MED13L: variants seen among roughly 807,000 people sequenced by gnomAD.
MED13L encodes the protein mediator of RNA polymerase II transcription subunit 13-like.
Under a neutral mutation model 220.9 loss-of-function variants are expected in MED13L, and 7 were observed. That is an observed-to-expected ratio of 0.03 (90% CI 0.02 to 0.06). The LOEUF (loss-of-function observed/expected upper bound fraction) is 0.06. MED13L is among the 10% of genes least tolerant of loss of function. The pLI, the probability that MED13L is intolerant of heterozygous loss-of-function variation, is 1.00. For missense variants in MED13L, 1,965 were observed against 2,760.5 expected, an observed-to-expected ratio of 0.71 and a Z score of 6.46; for synonymous variants, 1,011 against 1,015.2, an observed-to-expected ratio of 1.00 and a Z score of 0.08.
At chr12:116,129,646 C>A (rs981417351) in intron 2 of MED13L, among the ~76,000 whole-genome samples, 1 of 151,710 alleles carries the variant, frequency 6.6e-6, no homozygotes, top group African/African-American at 2.4e-5. Context: ...CGGTGGCTCA[C>A]GCCTGTAATC....
chr12:116,119,099 A>C (rs1016625519), intron 2 of MED13L, among the ~76,000 whole-genome samples: 2 of 152,156 alleles, frequency 1.3e-5, no homozygotes, highest in Non-Finnish European at 2.9e-5. Flanking sequence ...GGGCTTCTTC[A>C]TTATCACTAT....
At chr12:116,115,859 G>T (rs1378422498) in intron 2 of MED13L, among the ~76,000 whole-genome samples, 1 of 152,014 alleles carries the variant, frequency 6.6e-6, no homozygotes, top group Admixed American at 6.6e-5. Flanking sequence ...ACAATTCTAC[G>T]TGCTGATTAA....
chr12:116,084,774 C>CAA (rs569655073), intron 4 of MED13L, among the ~76,000 whole-genome samples: 3 of 88,986 alleles, frequency 3.4e-5, no homozygotes, highest in Admixed American at 1.2e-4. Context: ...ACCCTGTCGC[C>CAA]AAAAAAAAAA....
chr12:116,230,404 A>G (rs1869442203), intron 2 of MED13L: 1 of 857,508 alleles, frequency 1.2e-6, no homozygotes, highest in African/African-American at 1.8e-5. Context: ...CGTCTCAACA[A>G]CAATAAAAAA....
intron 23 of MED13L, among the ~76,000 whole-genome samples, chr12:115,976,447 G>T (rs1289231629): frequency 6.6e-6 from 1 of 152,304 alleles, no homozygotes; most frequent in South Asian, 2.1e-4. Flanking sequence ...GTCAAAGACA[G>T]GCAAAACTAC....
At chr12:115,998,243 C>G (rs1878527323) in intron 14 of MED13L, among the ~76,000 whole-genome samples, 1 of 152,164 alleles carries the variant, frequency 6.6e-6, no homozygotes, top group Admixed American at 6.5e-5. Flanking sequence ...TAAAATTTGG[C>G]CACTAGGGGG....
At chr12:116,274,256 G>C (rs903947835) in intron 1 of MED13L, among the ~76,000 whole-genome samples, 1 of 152,050 alleles carries the variant, frequency 6.6e-6, no homozygotes, top group Non-Finnish European at 1.5e-5. Flanking sequence ...TAAAGTGTCT[G>C]ATTGATTGCA....
At chr12:116,140,379 G>T (rs1347096451) in intron 2 of MED13L, among the ~76,000 whole-genome samples, 1 of 152,072 alleles carries the variant, frequency 6.6e-6, no homozygotes, top group Non-Finnish European at 1.5e-5. Context: ...AATGACTATT[G>T]AATCTATCTT....
At chr12:116,076,006 C>G (rs549282203) in intron 4 of MED13L, among the ~76,000 whole-genome samples, 2 of 150,964 alleles carry the variant, frequency 1.3e-5, no homozygotes, top group Non-Finnish European at 2.9e-5. Context: ...CTCCGCCTCC[C>G]GGGTTCACGC....
chr12:116,217,699 G>A (rs1883086004), intron 2 of MED13L, among the ~76,000 whole-genome samples: 1 of 152,126 alleles, frequency 6.6e-6, no homozygotes, highest in South Asian at 2.1e-4. Flanking sequence ...CCTCATTAAA[G>A]GATAAATTCT....
At position 116,277,158 on chromosome 12, in the gene MED13L, G is replaced by A; in HGVS notation, c.-27C>T. ...ATCCTCCGCGAGCCCGGCCGCCAGA[G>A]CGGGGCATGTCGGAGCGAGGCGTCC... On this transcript the variant is annotated 5_prime_UTR_variant, in exon 1 of 31. Transcript: ENST00000281928. 1 of 1,549,828 alleles carries A rather than the reference G, an allele frequency of 6.5e-7. No individual in the cohort carries two copies. The highest frequency in any genetic ancestry group is 8.7e-7 in the Non-Finnish European group (1 of 1,147,060).
chr12:116,147,546 T>C (rs1489679448), intron 2 of MED13L, among the ~76,000 whole-genome samples: 1 of 152,216 alleles, frequency 6.6e-6, no homozygotes, highest in African/African-American at 2.4e-5. Flanking sequence ...CATATAAACA[T>C]GACTGCAGGC....
chr12:115,996,676 A>G lies in MED13L; in HGVS notation c.2796T>C (p.Phe932=). ...GSPKPEEIKD[F]SYVHKVPSFQ... is the part of the protein sequence containing the mutation. Reference sequence around the variant, plus strand: ...AGGATGGAACTTTGTGCACATATGAAAAGTCCTGTGACAACAAAGTGGGGT... The same window carrying G: ...AGGATGGAACTTTGTGCACATATGAGAAGTCCTGTGACAACAAAGTGGGGT... Residue 932 remains phenylalanine (F), a synonymous_variant, in exon 16 of 31, where the codon TTT becomes TTC. Coordinates refer to ENST00000281928, the MANE Select transcript of MED13L (RefSeq NM_015335.5). 6.2e-7 allele frequency: 1 copy of G among 1,613,482 alleles called. No homozygotes were observed. Among genetic ancestry groups the G allele is most frequent in the Non-Finnish European group, 8.5e-7 (1 of 1,179,436 alleles).
At position 115,972,132 on chromosome 12, in the gene MED13L, G is replaced by A. The variant is rs771002523; in HGVS notation, c.5836C>T (p.Leu1946Phe). 1 of 1,614,024 alleles carries A rather than the reference G, an allele frequency of 6.2e-7. No homozygotes were observed. Among genetic ancestry groups the A allele is most frequent in the East Asian group, 2.2e-5 (1 of 44,864 alleles). Residue 1946 changes from leucine to phenylalanine, a missense_variant, in exon 26 of 31, where the codon CTT becomes TTT. By Grantham distance (22) the Leu-to-Phe change is conservative. Coordinates refer to ENST00000281928, the MANE Select transcript of MED13L (RefSeq NM_015335.5). ...TCCATGGCAACCAGGCAGGCACTAA[G>A]GATAGAAGGAGAGTCTGCGGCAGAG... ...GISAADSPSI[L>F]SACLVAMEPQ...
rs781324695 is a variant in MED13L at position 116,007,574 on chromosome 12, G to C, written c.2075C>G (p.Pro692Arg). 57 of 1,612,680 alleles carry C rather than the reference G, an allele frequency of 3.5e-5. 1 individual carries two copies. In the Middle Eastern group the frequency reaches 8.3e-4, roughly 23 times the overall value. Residue 692 changes from proline to arginine, a missense_variant, in exon 11 of 31, where the codon CCA (proline) becomes CGA (arginine). Pro to Arg is a moderately radical substitution (Grantham distance 103). Transcript: ENST00000281928. ...AGGCAATGGGTCAAGGAAGTGGAGT[G>C]GCTGCAACTGGGGCTGTTTGTCTTG... The part of the protein sequence containing the change: ...IWQDKQPQLQ[P>R]LHFLDPLPLS...
intron 4 of MED13L, among the ~76,000 whole-genome samples, chr12:116,028,836 A>G (rs903550895): frequency 6.6e-6 from 1 of 152,160 alleles, no homozygotes; most frequent in Non-Finnish European, 1.5e-5. Context: ...TGATTCAAGT[A>G]ATTCTTTGTT....
At chr12:116,233,466 A>T (rs935774249) in intron 2 of MED13L, among the ~76,000 whole-genome samples, 10 of 152,078 alleles carry the variant, frequency 6.6e-5, no homozygotes, top group African/African-American at 2.4e-4. Context: ...ATTAAGTCTA[A>T]ATGTCTTATC....
rs371895548 is a variant in MED13L at position 116,137,760 on chromosome 12, G to A, written c.311-26248C>T. 1.4e-4 allele frequency among the ~76,000 whole-genome samples: 21 copies of A among 151,534 alleles called. 1 individual carries two copies. The highest frequency in any genetic ancestry group is 4.8e-4 in the African/African-American group (20 of 41,262). Reference sequence around the variant, plus strand: ...GTATTTCTGAGAATACAGACAACTTGTATAAACTTGTCTAAAAAATACGGT... The same window carrying A: ...GTATTTCTGAGAATACAGACAACTTATATAAACTTGTCTAAAAAATACGGT... On this transcript the variant is annotated intron_variant, in intron 2 of 30. Coordinates refer to ENST00000281928, the MANE Select transcript of MED13L (RefSeq NM_015335.5).
At chr12:116,149,599 G>C (rs1877870130) in intron 2 of MED13L, among the ~76,000 whole-genome samples, 1 of 152,198 alleles carries the variant, frequency 6.6e-6, no homozygotes. Flanking sequence ...TGTGAAAGAA[G>C]AGTTTTACAT....
Sources: gnomAD v4.1 joint callset for allele counts (sites outside exome capture counted in the v4.1 genomes callset) on GRCh38, gnomAD v4.1.1 for gene constraint, MANE v1.5 for transcripts, NCBI Gene and HGNC (gene_info 2026-07-23, HGNC 2026-07-21) for gene names.